Variants in ZNF496 observed in about 807,000 individuals in gnomAD.
ZNF496 encodes zinc finger protein 496.
ZNF496 carries 11 observed loss-of-function variants against 58.9 expected under a neutral mutation model. The observed-to-expected ratio is 0.19, with a 90% CI of 0.12 to 0.31. The LOEUF is 0.31. Among genes scored for constraint, ZNF496 ranks in the 10% least tolerant of loss-of-function variants. The pLI, the probability that ZNF496 is intolerant of heterozygous loss-of-function variation, is 1.00. For synonymous variants in ZNF496, 338 were observed against 318.2 expected, an observed-to-expected ratio of 1.06 and a Z score of -0.66; for missense variants, 660 against 783.0, an observed-to-expected ratio of 0.84 and a Z score of 1.88.
intron 6 of ZNF496, among the ~76,000 whole-genome samples, chr1:247,317,189 G>A (rs985350176): frequency 1.3e-5 from 2 of 152,166 alleles, no homozygotes; most frequent in Admixed American, 6.5e-5. Flanking sequence ...GTGGAGAGAG[G>A]GTGGCAGAAT....
At chr1:247,322,884 A>C in intron 6 of ZNF496, 1 of 967,754 alleles carries the variant, frequency 1.0e-6, no homozygotes, top group Non-Finnish European at 1.5e-6. Context: ...ATCAATGGGG[A>C]CTCATGGGCC....
In ZNF496 at chr1:247,308,608, G is replaced by A; in HGVS notation, c.893-20C>T. The A allele has an allele frequency of 1.9e-6, 3 of 1,609,402 alleles. No individual in the cohort carries two copies. The highest frequency in any genetic ancestry group is 2.6e-6 in the Non-Finnish European group (3 of 1,175,922). The stretch of plus-strand genomic sequence containing the variant: ...GAGAGTCTTTCCAGAGGAGGAAATG[G>A]AAAAATTGATTTGTTTTGCACCTAC... On this transcript the variant is annotated intron_variant, in intron 8 of 9. Coordinates refer to ENST00000682384, the MANE Select transcript of ZNF496 (RefSeq NM_032752.3). This position sits in a 1 kb window ranked among gnomAD's most constrained non-coding sequence, Gnocchi z 4.5.
intron 5 of ZNF496, 105 bp from the exon 6 acceptor site, chr1:247,323,335 G>A (rs1440751663): frequency 1.4e-5 from 11 of 779,106 alleles, no homozygotes; most frequent in Non-Finnish European, 2.1e-5. Context: ...TGGTAGCAAA[G>A]AAAATCACAA....
intron 6 of ZNF496, among the ~76,000 whole-genome samples, chr1:247,316,490 C>A (rs1011906312): frequency 6.6e-6 from 1 of 151,790 alleles, no homozygotes; most frequent in African/African-American, 2.4e-5. Context: ...GAAGAGAGAC[C>A]GGAGCAAGCG....
intron 6 of ZNF496, among the ~76,000 whole-genome samples, chr1:247,318,018 G>C (rs954862065): frequency 6.6e-6 from 1 of 152,188 alleles, no homozygotes; most frequent in Non-Finnish European, 1.5e-5. Context: ...GACACAGAAA[G>C]TCTCAGCAAA....
At chr1:247,310,067 A>C in intron 7 of ZNF496, 2 of 1,429,340 alleles carry the variant, frequency 1.4e-6, no homozygotes, top group Non-Finnish European at 1.8e-6. Context: ...GATGGAAGAG[A>C]AATGGACATA....
chr1:247,309,818 A>T lies in ZNF496; in HGVS notation c.785-12T>A, dbSNP rs1470182380. 1.2e-6 allele frequency: 2 copies of T among 1,613,958 alleles called. No individual in the cohort carries two copies. The highest frequency in any genetic ancestry group is 2.2e-5 in the South Asian group (2 of 91,054). On this transcript the variant is annotated splice_polypyrimidine_tract_variant and intron_variant, in intron 7 of 9. Coordinates refer to ENST00000682384, the MANE Select transcript of ZNF496 (RefSeq NM_032752.3). This position sits in a 1 kb window ranked among gnomAD's most constrained non-coding sequence, Gnocchi z 4.3. Reference sequence around the variant, plus strand: ...GGCAGCTAGGTCGTCTGTTCAAAGAAAAAGGCAGGGTACATGTTTATTAGT... The same window carrying T: ...GGCAGCTAGGTCGTCTGTTCAAAGATAAAGGCAGGGTACATGTTTATTAGT...
At chr1:247,322,142 G>A (rs1659981611) in intron 6 of ZNF496, among the ~76,000 whole-genome samples, 1 of 152,170 alleles carries the variant, frequency 6.6e-6, no homozygotes, top group African/African-American at 2.4e-5. Context: ...ACTTAGCTGG[G>A]TGTAGTGGCA....
Position 247,323,250 on chromosome 1 carries a change from GGTGTC to G in ZNF496, c.575-25_575-21del. On this transcript the variant is annotated intron_variant, in intron 5 of 9. Coordinates refer to ENST00000682384, the MANE Select transcript of ZNF496 (RefSeq NM_032752.3). ...GCAGAACTGAAAGAGATCAGAAAAT[GGTGTC>G]CTAAAGTGGGCCAGGGCCAGGCCTG... The G allele has an allele frequency of 6.2e-7, 1 of 1,610,628 alleles. No homozygotes were observed. Among genetic ancestry groups the G allele is most frequent in the East Asian group, 2.2e-5 (1 of 44,846 alleles).
rs1044062459 is a variant in ZNF496 at position 247,299,619 on chromosome 1, G to A, written c.*900C>T. The stretch of plus-strand genomic sequence containing the variant: ...CAGACAGGAGAACCCCTCACTGGGG[G>A]CAGAGCTCCACATTCCTAGACAGGA... On this transcript the variant is annotated 3_prime_UTR_variant, in exon 10 of 10. Coordinates refer to ENST00000682384, the MANE Select transcript of ZNF496 (RefSeq NM_032752.3). 2 of 152,250 alleles carry A rather than the reference G, an allele frequency of 1.3e-5. No homozygotes were observed. Among genetic ancestry groups the A allele is most frequent in the Admixed American group, 1.3e-4 (2 of 15,284 alleles). 9.4% of individuals were successfully genotyped at this position (152,250 alleles called of 1,614,324 possible).
chr1:247,324,728 T>C (rs1330178139), intron 5 of ZNF496, among the ~76,000 whole-genome samples: 1 of 152,186 alleles, frequency 6.6e-6, no homozygotes, highest in Non-Finnish European at 1.5e-5. Context: ...TGTAAATACA[T>C]ACAATTTTTT....
intron 5 of ZNF496, among the ~76,000 whole-genome samples, chr1:247,327,071 T>C (rs938662106): frequency 5.9e-5 from 9 of 152,114 alleles, no homozygotes; most frequent in Non-Finnish European, 1.0e-4. Flanking sequence ...CCTTTTTTTT[T>C]GTTTTGTTTT....
Position 247,329,430 on chromosome 1 carries a change from T to C in ZNF496, c.149A>G (p.Tyr50Cys), listed in dbSNP as rs753145019. The C allele has an allele frequency of 5.2e-5, 84 of 1,612,910 alleles. No individual in the cohort carries two copies. The highest frequency in any genetic ancestry group is 8.3e-5 in the Admixed American group (5 of 59,932). The change falls in exon 4 of 10, where the codon TAC (tyrosine) becomes TGC (cysteine). Residue 50 changes from tyrosine to cysteine, a missense_variant. Coordinates refer to ENST00000682384, the MANE Select transcript of ZNF496 (RefSeq NM_032752.3). This position sits in a 1 kb window ranked among gnomAD's most constrained non-coding sequence, Gnocchi z 5.5. ...CTCCCGGGGGCCCGCCGCCTCCTGG[T>C]AGCGGAAACGGCGGAAGAGACGCCG... ...SSRRLFRRFR[Y>C]QEAAGPREAL...
At chr1:247,317,640 G>A (rs1197233315) in intron 6 of ZNF496, among the ~76,000 whole-genome samples, 3 of 152,282 alleles carry the variant, frequency 2.0e-5, no homozygotes, top group East Asian at 3.9e-4. Flanking sequence ...TGTATGAGGA[G>A]CATCCCCACT....
intron 5 of ZNF496, among the ~76,000 whole-genome samples, chr1:247,326,428 C>T (rs1442226028): frequency 6.6e-6 from 1 of 152,124 alleles, no homozygotes; most frequent in Non-Finnish European, 1.5e-5. Context: ...GCCCTGTTTT[C>T]CTAAAGCCCA....
At chr1:247,327,353 C>T (rs978554915) in intron 5 of ZNF496, among the ~76,000 whole-genome samples, 16 of 152,324 alleles carry the variant, frequency 1.1e-4, no homozygotes, top group Middle Eastern at 3.4e-3. Flanking sequence ...CGTGAGCCAC[C>T]GCGCCCAACC....
At position 247,309,716 on chromosome 1, in the gene ZNF496, G is replaced by A. The variant is rs149858668; in HGVS notation, c.875C>T (p.Pro292Leu). The A allele has an allele frequency of 3.0e-4, 479 of 1,614,150 alleles. 2 individuals are homozygous for A. The highest frequency in any genetic ancestry group is 3.6e-4 in the Non-Finnish European group (421 of 1,180,036). ...ELQDLQGKEV[P>L]QVSYLDSPSL... The stretch of plus-strand genomic sequence containing the variant: ...TTACTCACCCAAGTAGGAGACCTGG[G>A]GCACTTCTTTGCCCTGGAGATCCTG... The change falls in exon 8 of 10, where the codon CCC (proline) becomes CTC (leucine). Residue 292 changes from proline (P) to leucine (L), a missense_variant. Transcript: ENST00000682384. The surrounding 1 kb of genome is among the most constrained non-coding windows in gnomAD (Gnocchi z 4.3).
chr1:247,327,016 G>A (rs1346080386), intron 5 of ZNF496, among the ~76,000 whole-genome samples: 2 of 152,084 alleles, frequency 1.3e-5, no homozygotes, highest in South Asian at 2.1e-4. Context: ...GGTTTTTACG[G>A]GTCCCAAAGA....
intron 9 of ZNF496, chr1:247,307,288 C>T (rs1659445008): frequency 2.0e-6 from 2 of 985,450 alleles, no homozygotes; most frequent in Non-Finnish European, 2.4e-6. Flanking sequence ...AATATATCGT[C>T]TCTCCCCTTT....
Sources: gnomAD v4.1 joint callset for allele counts (sites outside exome capture counted in the v4.1 genomes callset) on GRCh38, gnomAD v4.1.1 for gene constraint, Gnocchi (gnomAD v3.1) non-coding constraint, MANE v1.5 for transcripts, NCBI Gene and HGNC (gene_info 2026-07-23, HGNC 2026-07-21) for gene names.